The following RFTN1 variants were observed in gnomAD, a reference collection of about 807,000 sequenced individuals.
RFTN1 encodes the protein raftlin, lipid raft linker 1, also known as raftlin.
RFTN1 carries 26 observed loss-of-function variants against 46.5 expected under a neutral mutation model. The observed-to-expected ratio is 0.56, with a 90% CI of 0.41 to 0.78. The LOEUF is 0.78. Ranked by LOEUF, RFTN1 falls within the 30% of genes least tolerant of loss-of-function variation. The pLI is 0.00. For missense variants in RFTN1, 693 were observed against 718.7 expected, an observed-to-expected ratio of 0.96 and a Z score of 0.41; for synonymous variants, 261 against 284.2, an observed-to-expected ratio of 0.92 and a Z score of 0.82.
chr3:16,419,356 A>G (rs1351778822), intron 3 of RFTN1, among the ~76,000 whole-genome samples: 1 of 152,202 alleles, frequency 6.6e-6, no homozygotes, highest in East Asian at 1.9e-4. Flanking sequence ...TTAGAGAGAA[A>G]GATACTATGA....
rs1007098025 is a variant in RFTN1 at position 16,383,584 on chromosome 3, T to C, written c.442-5482A>G. On this transcript the variant is annotated intron_variant, in intron 4 of 9. Coordinates refer to ENST00000334133, the MANE Select transcript of RFTN1 (RefSeq NM_015150.2). The surrounding 1 kb of genome is among the most constrained non-coding windows in gnomAD (Gnocchi z 4.0). The stretch of plus-strand genomic sequence containing the variant: ...ATAATATGACATTAGATTTCTAGGA[T>C]GGATTGTCTGTTTCTATGTCCAAAA... Among the ~76,000 whole-genome samples, 48 of 152,334 alleles carry C rather than the reference T, an allele frequency of 3.2e-4. No homozygotes were observed. Among genetic ancestry groups the C allele is most frequent in the African/African-American group, 1.2e-3 (48 of 41,572 alleles).
chr3:16,483,422 C>T lies in RFTN1; in HGVS notation c.145+10303G>A, dbSNP rs1230964668. Among the ~76,000 whole-genome samples the T allele has an allele frequency of 6.6e-6, 1 of 152,156 alleles. No homozygotes were observed. Among genetic ancestry groups the T allele is most frequent in the African/African-American group, 2.4e-5 (1 of 41,426 alleles). ...TCTTAGCCAGCTCCCTGAGACATCA[C>T]AGACTTAAGCTGAGTCTGTTGACAC... On this transcript the variant is annotated intron_variant, in intron 2 of 9. Transcript: ENST00000334133. This position sits in a 1 kb window ranked among gnomAD's most constrained non-coding sequence, Gnocchi z 4.8.
At position 16,506,736 on chromosome 3, in the gene RFTN1, C is replaced by T. The variant is rs1246052400; in HGVS notation, c.-9+6706G>A. Among the ~76,000 whole-genome samples the T allele has an allele frequency of 6.6e-6, 1 of 151,980 alleles. No individual in the cohort carries two copies. Among genetic ancestry groups the T allele is most frequent in the Non-Finnish European group, 1.5e-5 (1 of 68,012 alleles). On this transcript the variant is annotated intron_variant, in intron 1 of 9. Transcript: ENST00000334133. This position sits in a 1 kb window ranked among gnomAD's most constrained non-coding sequence, Gnocchi z 4.8. ...ATTTCGAGTTCAGAGGAGAGCTCCA[C>T]AGCTCTTGGTAATGCCTCATCTCCC...
At position 16,429,157 on chromosome 3, in the gene RFTN1, C is replaced by A. The variant is rs17042263; in HGVS notation, c.332+4694G>T. 0.026 allele frequency among the ~76,000 whole-genome samples: 3,935 copies of A among 151,840 alleles called. 180 individuals carry two copies. The highest frequency in any genetic ancestry group is 0.09 in the African/African-American group (3,736 of 41,446). On this transcript the variant is annotated intron_variant, in intron 3 of 9. Transcript: ENST00000334133. This position sits in a 1 kb window ranked among gnomAD's most constrained non-coding sequence, Gnocchi z 6.4. ...GTTTACAGTTAGATGTGTGGCTAGG[C>A]CTGCCATGGTAAAATGAAATGGCAG...
chr3:16,472,506 G>A (rs2076216294), intron 2 of RFTN1: 1 of 152,336 alleles, frequency 6.6e-6, no homozygotes, highest in African/African-American at 2.4e-5. Flanking sequence ...AAGCCAGGAA[G>A]AGGACAGAAA....
In RFTN1 at chr3:16,344,874, C is replaced by T. The variant is rs754070122; in HGVS notation, c.1146+13058G>A. On this transcript the variant is annotated intron_variant, in intron 7 of 9. Transcript: ENST00000334133. This position sits in a 1 kb window ranked among gnomAD's most constrained non-coding sequence, Gnocchi z 4.4. The stretch of plus-strand genomic sequence containing the variant: ...GAGTGAACACATAACTACAAGAACA[C>T]CCCCCAACCTTTTATGCTCACTGAT... 2.0e-5 allele frequency among the ~76,000 whole-genome samples: 3 copies of T among 152,188 alleles called. No individual in the cohort carries two copies. Among genetic ancestry groups the T allele is most frequent in the Non-Finnish European group, 4.4e-5 (3 of 68,036 alleles).
At chr3:16,494,277 ATG>A (rs1480968876) in intron 1 of RFTN1, among the ~76,000 whole-genome samples, 4 of 152,170 alleles carry the variant, frequency 2.6e-5, no homozygotes, top group Non-Finnish European at 5.9e-5. Context: ...AAAACAAGAG[ATG>A]TGTCACCTTC....
At chr3:16,369,111 T>C (rs2073378522) in intron 6 of RFTN1, among the ~76,000 whole-genome samples, 1 of 152,256 alleles carries the variant, frequency 6.6e-6, no homozygotes, top group Non-Finnish European at 1.5e-5. Context: ...TGCTGTATCA[T>C]GTTCTAAGAC....
chr3:16,377,911 G>A lies in RFTN1; in HGVS notation c.633C>T (p.Cys211=), dbSNP rs1334204176. 1 of 1,614,226 alleles carries A rather than the reference G, an allele frequency of 6.2e-7. No individual in the cohort carries two copies. Among genetic ancestry groups the A allele is most frequent in the South Asian group, 1.1e-5 (1 of 91,088 alleles). ...TTTGGTTTCTCCCAGCCGGAGCACT[G>A]CACACATCCCCAGTCCCCGGTTTCT... ...ENEKPGTGDV[C]SAPAGRNQSP... The change falls in exon 5 of 10, where the codon TGC becomes TGT. Residue 211 remains cysteine (C), a synonymous_variant. Transcript: ENST00000334133.
At chr3:16,461,897 A>C (rs567291649) in intron 2 of RFTN1, among the ~76,000 whole-genome samples, 1 of 152,350 alleles carries the variant, frequency 6.6e-6, no homozygotes, top group East Asian at 1.9e-4. Context: ...TATCTGGCAG[A>C]TTAAAATTTG....
In RFTN1 at chr3:16,433,029, C is replaced by T. The variant is rs1388787595; in HGVS notation, c.332+822G>A. Among the ~76,000 whole-genome samples, 1 of 152,190 alleles carries T rather than the reference C, an allele frequency of 6.6e-6. No homozygotes were observed. The highest frequency in any genetic ancestry group is 1.5e-5 in the Non-Finnish European group (1 of 68,020). ...ACAAGGAGGAGCTGCTCTGTACTCC[C>T]TTTTTAAAATGTGGCACATGCTGTC... On this transcript the variant is annotated intron_variant, in intron 3 of 9. Coordinates refer to ENST00000334133, the MANE Select transcript of RFTN1 (RefSeq NM_015150.2). This position sits in a 1 kb window ranked among gnomAD's most constrained non-coding sequence, Gnocchi z 4.4.
chr3:16,444,771 G>A (rs2075696661), intron 2 of RFTN1, among the ~76,000 whole-genome samples: 1 of 152,228 alleles, frequency 6.6e-6, no homozygotes, highest in Non-Finnish European at 1.5e-5. Flanking sequence ...GTGGGAGTAA[G>A]TGCTCCTTAC....
chr3:16,385,143 A>G lies in RFTN1; in HGVS notation c.442-7041T>C, dbSNP rs900654775. Among the ~76,000 whole-genome samples the G allele has an allele frequency of 3.5e-4, 54 of 152,218 alleles. 1 individual carries two copies. Among genetic ancestry groups the G allele is most frequent in the Admixed American group, 3.4e-3 (52 of 15,290 alleles). The stretch of plus-strand genomic sequence containing the variant: ...CAGAGGCATGCCCTAGGTGTCAAGA[A>G]CAGGTACAAAAATGCCATTCTGGGT... On this transcript the variant is annotated intron_variant, in intron 4 of 9. Coordinates refer to ENST00000334133, the MANE Select transcript of RFTN1 (RefSeq NM_015150.2). The surrounding 1 kb of genome is among the most constrained non-coding windows in gnomAD (Gnocchi z 5.0).
intron 2 of RFTN1, among the ~76,000 whole-genome samples, chr3:16,444,941 T>C (rs1251085272): frequency 1.3e-5 from 2 of 152,366 alleles, no homozygotes; most frequent in East Asian, 1.9e-4. Context: ...CCATGTTTAG[T>C]ATTAGAAATG....
intron 4 of RFTN1, among the ~76,000 whole-genome samples, chr3:16,391,690 AT>A (rs2074343606): frequency 6.6e-6 from 1 of 152,122 alleles, no homozygotes; most frequent in Non-Finnish European, 1.5e-5. Context: ...AATTCACAAA[AT>A]GAGGGTATAT....
intron 7 of RFTN1, among the ~76,000 whole-genome samples, chr3:16,355,045 A>G (rs2072345762): frequency 6.6e-6 from 1 of 152,194 alleles, no homozygotes; most frequent in Non-Finnish European, 1.5e-5. Context: ...ATTTCTATGA[A>G]CATTCTGATC....
At position 16,448,709 on chromosome 3, in the gene RFTN1, T is replaced by G. The variant is rs1312391628; in HGVS notation, c.146-14672A>C. ...ACAATCACACTGCTTCTAAAATGTTTACCTCTCAGGAGCCACTGCGTTCCC... is the reference window on the plus strand; with the variant it reads ...ACAATCACACTGCTTCTAAAATGTTGACCTCTCAGGAGCCACTGCGTTCCC... On this transcript the variant is annotated intron_variant, in intron 2 of 9. Coordinates refer to ENST00000334133, the MANE Select transcript of RFTN1 (RefSeq NM_015150.2). The surrounding 1 kb of genome is among the most constrained non-coding windows in gnomAD (Gnocchi z 4.1). Among the ~76,000 whole-genome samples, 1 of 152,200 alleles carries G rather than the reference T, an allele frequency of 6.6e-6. No individual in the cohort carries two copies. Among genetic ancestry groups the G allele is most frequent in the African/African-American group, 2.4e-5 (1 of 41,454 alleles).
intron 3 of RFTN1, among the ~76,000 whole-genome samples, chr3:16,420,470 T>C (rs1031646657): frequency 1.4e-4 from 22 of 152,248 alleles, no homozygotes; most frequent in African/African-American, 5.1e-4. Context: ...GGAATGGTGT[T>C]CATGAGACTC....
chr3:16,333,856 C>T (rs1330010979), intron 7 of RFTN1, among the ~76,000 whole-genome samples: 1 of 152,168 alleles, frequency 6.6e-6, no homozygotes, highest in Non-Finnish European at 1.5e-5. Flanking sequence ...TGCAGAATCT[C>T]ATAAGAAAAA....
Sources: gnomAD v4.1 joint callset for allele counts (sites outside exome capture counted in the v4.1 genomes callset) on GRCh38, gnomAD v4.1.1 for gene constraint, Gnocchi (gnomAD v3.1) non-coding constraint, MANE v1.5 for transcripts, NCBI Gene and HGNC (gene_info 2026-07-23, HGNC 2026-07-21) for gene names.